Variants in KLF8 observed in about 807,000 individuals in gnomAD.
The protein encoded by KLF8 is KLF transcription factor 8.
Under a neutral mutation model 18.2 loss-of-function variants are expected in KLF8, and 10 were observed. The ratio of observed to expected loss-of-function variants is 0.55; its 90% CI spans 0.34 to 0.93. The LOEUF (loss-of-function observed/expected upper bound fraction) is 0.93, where lower values mean the gene tolerates loss of function less well. Among genes scored for constraint, KLF8 ranks in the 40% least tolerant of loss-of-function variants. The probability of loss-of-function intolerance (pLI) is 0.02; values close to 1 mark genes in which losing one functional copy is unlikely to be tolerated. For synonymous variants in KLF8, 109 were observed against 97.3 expected, an observed-to-expected ratio of 1.12 and a Z score of -0.71; for missense variants, 264 against 277.9, an observed-to-expected ratio of 0.95 and a Z score of 0.36.
At chrX:56,017,247 G>T in the KLF8 span, among the ~76,000 whole-genome samples, 3 of 112,270 alleles carry the variant, frequency 2.7e-5, no homozygotes, top group African/African-American at 9.7e-5. Context: ...TTGTAGGCAT[G>T]CCATTGCTGT....
the KLF8 span, among the ~76,000 whole-genome samples, chrX:56,100,045 A>G: frequency 9.0e-6 from 1 of 111,479 alleles, no homozygotes; most frequent in Non-Finnish European, 1.9e-5. Context: ...TAGAGAAGAG[A>G]AGTCAATGCC....
the KLF8 span, among the ~76,000 whole-genome samples, chrX:56,080,325 C>G: frequency 9.9e-5 from 11 of 111,029 alleles, no homozygotes; most frequent in East Asian, 2.8e-3. Flanking sequence ...CCTTCAGGAG[C>G]TCTTGCAAGG....
At chrX:56,118,320 A>G in the KLF8 span, among the ~76,000 whole-genome samples, 1 of 111,653 alleles carries the variant, frequency 9.0e-6, no homozygotes, top group Admixed American at 9.5e-5. Flanking sequence ...TAAGTCAGCT[A>G]TTACTGTTAA....
intron 5 of KLF8, among the ~76,000 whole-genome samples, chrX:56,271,049 T>G (rs751380813): frequency 8.9e-6 from 1 of 112,468 alleles, no homozygotes; most frequent in South Asian, 3.6e-4. Context: ...GTATAACAAC[T>G]ACTTACATAG....
the KLF8 span, among the ~76,000 whole-genome samples, chrX:56,161,667 G>T: frequency 9.0e-6 from 1 of 111,306 alleles, no homozygotes; most frequent in African/African-American, 3.3e-5. Flanking sequence ...TTAGCCATTC[G>T]TGTAATTTTT....
the KLF8 span, among the ~76,000 whole-genome samples, chrX:56,120,813 T>A: frequency 1.8e-5 from 2 of 111,429 alleles, no homozygotes; most frequent in Non-Finnish European, 3.8e-5. Flanking sequence ...GGTGAGAGTT[T>A]GACCTTTTTC....
chrX:56,002,409 T>TTG, the KLF8 span, among the ~76,000 whole-genome samples: 3 of 69,154 alleles, frequency 4.3e-5, no homozygotes, highest in Non-Finnish European at 5.6e-5. Flanking sequence ...ATTAATCAAT[T>TTG]TGTGTGTATG....
At chrX:55,987,471 A>G in the KLF8 span, among the ~76,000 whole-genome samples, 7 of 110,825 alleles carry the variant, frequency 6.3e-5, no homozygotes, top group Non-Finnish European at 1.1e-4. Context: ...TGTCCTTGCA[A>G]TAGTTTGCTG....
At chrX:56,189,189 C>A in the KLF8 span, among the ~76,000 whole-genome samples, 1 of 111,633 alleles carries the variant, frequency 9.0e-6, no homozygotes, top group African/African-American at 3.3e-5. Flanking sequence ...AAGCAAACAA[C>A]CCCATCAAAA....
the KLF8 span, among the ~76,000 whole-genome samples, chrX:56,216,796 C>T: frequency 2.7e-5 from 3 of 110,740 alleles, no homozygotes; most frequent in Admixed American, 9.7e-5. Context: ...CTGGCCTCTC[C>T]TGTTTTTGAA....
chrX:56,031,665 G>T, the KLF8 span, among the ~76,000 whole-genome samples: 15 of 111,660 alleles, frequency 1.3e-4, no homozygotes, highest in Admixed American at 1.9e-4. Context: ...TGCCTAAGGG[G>T]CTGCCTCGGC....
Position 56,289,641 on chromosome X carries a change from C to T in KLF8, c.*5147C>T, listed in dbSNP as rs1308340752. Among the ~76,000 whole-genome samples the T allele has an allele frequency of 9.0e-6, 1 of 111,485 alleles. No homozygotes were observed. Among genetic ancestry groups the T allele is most frequent in the Non-Finnish European group, 1.9e-5 (1 of 53,138 alleles). The stretch of plus-strand genomic sequence containing the variant: ...CTTCTTCCTGTTAGTTACATGAAGC[C>T]TCCCACACTAATACTGAGAAACCTG... On this transcript the variant is annotated 3_prime_UTR_variant, in exon 6 of 6. Transcript: ENST00000468660.
the KLF8 span, among the ~76,000 whole-genome samples, chrX:56,196,343 C>T: frequency 4.5e-5 from 5 of 111,096 alleles, no homozygotes; most frequent in African/African-American, 9.8e-5. Flanking sequence ...ACCCATCTCA[C>T]GTGCAAAGAT....
At chrX:56,207,012 C>T in the KLF8 span, among the ~76,000 whole-genome samples, 3 of 113,039 alleles carry the variant, frequency 2.7e-5, no homozygotes, top group Admixed American at 1.9e-4. Flanking sequence ...GGCTTGAACC[C>T]TCTGAGGCAA....
the KLF8 span, among the ~76,000 whole-genome samples, chrX:56,157,011 T>G: frequency 9.3e-6 from 1 of 107,995 alleles, no homozygotes; most frequent in Admixed American, 1.0e-4. Flanking sequence ...TAGACTGGAT[T>G]AAGAAAATGT....
the KLF8 span, among the ~76,000 whole-genome samples, chrX:56,136,367 C>T: frequency 1.8e-5 from 2 of 111,613 alleles, no homozygotes; most frequent in South Asian, 7.6e-4. Context: ...TACAAGACTA[C>T]AGTAACCAAA....
the KLF8 span, among the ~76,000 whole-genome samples, chrX:56,046,932 A>T: frequency 1.8e-5 from 2 of 111,483 alleles, no homozygotes; most frequent in African/African-American, 6.5e-5. Flanking sequence ...AGGGAAGTTT[A>T]CCTCGATTAT....
the KLF8 span, among the ~76,000 whole-genome samples, chrX:56,137,454 AG>A: frequency 9.4e-6 from 1 of 106,449 alleles, no homozygotes; most frequent in African/African-American, 3.4e-5. Context: ...TGTCCTTTGT[AG>A]GGACATGGAT....
chrX:56,033,308 A>G, the KLF8 span, among the ~76,000 whole-genome samples: 12,689 of 111,287 alleles, frequency 0.11, 1,237 homozygotes, highest in African/African-American at 0.32. Context: ...TTCACTTAGC[A>G]TAATGTCCTC....
Sources: gnomAD v4.1 joint callset for allele counts (sites outside exome capture counted in the v4.1 genomes callset) on GRCh38, gnomAD v4.1.1 for gene constraint, MANE v1.5 for transcripts, NCBI Gene and HGNC (gene_info 2026-07-23, HGNC 2026-07-21) for gene names.